TAF3: variants seen among roughly 807,000 people sequenced by gnomAD.
TAF3 encodes the protein transcription initiation factor TFIID subunit 3.
TAF3 carries 7 observed loss-of-function variants against 80.6 expected under a neutral mutation model. The ratio of observed to expected loss-of-function variants is 0.09; its 90% CI spans 0.05 to 0.16. The LOEUF (loss-of-function observed/expected upper bound fraction) is 0.16. TAF3 is among the 10% of genes least tolerant of loss of function. TAF3 has a pLI of 1.00. For synonymous variants in TAF3, 444 were observed against 446.1 expected (o/e 1.00, Z 0.06); for missense variants, 921 against 1,140.2 (o/e 0.81, Z 2.77).
At chr10:7,963,253 T>G (rs1831528108) in intron 2 of TAF3, among the ~76,000 whole-genome samples, 1 of 152,184 alleles carries the variant, frequency 6.6e-6, no homozygotes, top group African/African-American at 2.4e-5. Context: ...CATCTCTTGA[T>G]TTTTTAGAGG....
chr10:7,943,734 A>G (rs1837997774), intron 2 of TAF3, among the ~76,000 whole-genome samples: 1 of 152,242 alleles, frequency 6.6e-6, no homozygotes, highest in Non-Finnish European at 1.5e-5. Flanking sequence ...AAGGAGAGAA[A>G]GGTAAGCAAA....
At chr10:8,001,013 TTCA>T (rs1438949151) in intron 4 of TAF3, among the ~76,000 whole-genome samples, 5 of 152,232 alleles carry the variant, frequency 3.3e-5, no homozygotes, top group African/African-American at 7.2e-5. Context: ...ATGGTGTTTG[TTCA>T]TCATCTATGT....
chr10:7,927,948 T>A (rs946813243), intron 2 of TAF3, among the ~76,000 whole-genome samples: 2 of 143,006 alleles, frequency 1.4e-5, no homozygotes, highest in Non-Finnish European at 3.1e-5. Context: ...TCTCAAAATC[T>A]GGACATTGTT....
chr10:7,839,110 G>A (rs531934286), intron 2 of TAF3, among the ~76,000 whole-genome samples: 7 of 151,916 alleles, frequency 4.6e-5, no homozygotes, highest in Non-Finnish European at 1.0e-4. Flanking sequence ...CTTGCCCCTC[G>A]TTGCTTCGTG....
Position 7,819,576 on chromosome 10 carries a change from T to A in TAF3, c.166+701T>A, listed in dbSNP as rs548012142. Among the ~76,000 whole-genome samples the A allele has an allele frequency of 2.6e-4, 40 of 152,312 alleles. No individual in the cohort carries two copies. The South Asian group carries it at 6.0e-3, about 23-fold the overall frequency. ...TCCAGGTAATCTGGGCTACAGTACT[T>A]ATGAGTTTTAAATGAATGTCTGGTA... On this transcript the variant is annotated intron_variant, in intron 1 of 6. Transcript: ENST00000344293.
chr10:7,842,450 A>G (rs1836928673), intron 2 of TAF3, among the ~76,000 whole-genome samples: 1 of 152,076 alleles, frequency 6.6e-6, no homozygotes, highest in South Asian at 2.1e-4. Flanking sequence ...GTGTGCCACC[A>G]CACCCAGCCT....
At chr10:7,874,602 GA>G (rs1837297385) in intron 2 of TAF3, among the ~76,000 whole-genome samples, 1 of 151,260 alleles carries the variant, frequency 6.6e-6, no homozygotes, top group Admixed American at 6.6e-5. Context: ...ACATTTTCAT[GA>G]TTTTTTTTCT....
At chr10:7,857,268 C>G (rs10905239) in intron 2 of TAF3, among the ~76,000 whole-genome samples, 1 of 152,124 alleles carries the variant, frequency 6.6e-6, no homozygotes, top group Non-Finnish European at 1.5e-5. Context: ...AATGGAACAG[C>G]CACAGCTCAC....
intron 2 of TAF3, among the ~76,000 whole-genome samples, chr10:7,902,059 G>A (rs1374762065): frequency 1.3e-5 from 2 of 152,108 alleles, no homozygotes; most frequent in Non-Finnish European, 1.5e-5. Flanking sequence ...GTCAGTGTGT[G>A]TGTTTTCTTA....
intron 2 of TAF3, among the ~76,000 whole-genome samples, chr10:7,932,445 G>C (rs930202669): frequency 3.3e-5 from 5 of 152,146 alleles, no homozygotes; most frequent in Admixed American, 6.5e-5. Context: ...CAAAGGTCAA[G>C]AGACAGACTG....
chr10:7,866,103 C>A (rs1296082518), intron 2 of TAF3, among the ~76,000 whole-genome samples: 1 of 152,174 alleles, frequency 6.6e-6, no homozygotes, highest in South Asian at 2.1e-4. Context: ...TTTTCTGGAT[C>A]GTAAAGTAAT....
At chr10:7,962,963 G>A (rs922147566) in intron 2 of TAF3, among the ~76,000 whole-genome samples, 2 of 152,224 alleles carry the variant, frequency 1.3e-5, no homozygotes, top group Non-Finnish European at 2.9e-5. Flanking sequence ...GGCAGGGCAA[G>A]TAACATCGGC....
At chr10:7,853,220 A>G (rs1837046199) in intron 2 of TAF3, among the ~76,000 whole-genome samples, 1 of 152,208 alleles carries the variant, frequency 6.6e-6, no homozygotes, top group Admixed American at 6.5e-5. Flanking sequence ...AAGGTGCTCA[A>G]ACTCCATCAC....
chr10:7,866,297 A>T (rs1837214290), intron 2 of TAF3, among the ~76,000 whole-genome samples: 2 of 152,170 alleles, frequency 1.3e-5, no homozygotes, highest in Non-Finnish European at 2.9e-5. Context: ...TCGCATTCTC[A>T]TGTGGGCTAA....
intron 2 of TAF3, among the ~76,000 whole-genome samples, chr10:7,876,058 C>T (rs1837309550): frequency 6.6e-6 from 1 of 151,374 alleles, no homozygotes; most frequent in South Asian, 2.1e-4. Context: ...AGTTTGTTTT[C>T]CTCCTTTTTA....
chr10:7,907,319 A>G (rs781547611), intron 2 of TAF3, among the ~76,000 whole-genome samples: 3 of 152,216 alleles, frequency 2.0e-5, no homozygotes, highest in Non-Finnish European at 2.9e-5. Flanking sequence ...TTTGAAATCC[A>G]GCATTGCCCA....
intron 2 of TAF3, among the ~76,000 whole-genome samples, chr10:7,891,020 C>T (rs921049292): frequency 1.3e-5 from 2 of 152,140 alleles, no homozygotes; most frequent in African/African-American, 4.8e-5. Flanking sequence ...CACATGGAAG[C>T]GTTGAATTGG....
chr10:7,836,361 G>A (rs1836852484), intron 2 of TAF3, among the ~76,000 whole-genome samples: 1 of 151,262 alleles, frequency 6.6e-6, no homozygotes, highest in Non-Finnish European at 1.5e-5. Flanking sequence ...CACAACCTCC[G>A]GCTCCCTGGT....
At chr10:7,955,319 A>G (rs1248093232) in intron 2 of TAF3, among the ~76,000 whole-genome samples, 1 of 152,254 alleles carries the variant, frequency 6.6e-6, no homozygotes, top group East Asian at 1.9e-4. Flanking sequence ...GCATCATTGT[A>G]GAAATTAATT....
Sources: gnomAD v4.1 joint callset for allele counts (sites outside exome capture counted in the v4.1 genomes callset) on GRCh38, gnomAD v4.1.1 for gene constraint, MANE v1.5 for transcripts, NCBI Gene and HGNC (gene_info 2026-07-23, HGNC 2026-07-21) for gene names.